Variants in SLCO1B1 observed in about 807,000 individuals in gnomAD.
SLCO1B1 encodes OATP-2.
SLCO1B1 carries 81 observed loss-of-function variants against 70.1 expected under a neutral mutation model. That is an observed-to-expected ratio of 1.16 (90% CI 0.97 to 1.39). The LOEUF is 1.39. SLCO1B1 is among the 40% of genes most tolerant of loss of function. The pLI is 0.00. For synonymous variants in SLCO1B1, 283 were observed against 271.5 expected (o/e 1.04, Z -0.42); for missense variants, 895 against 799.6 (o/e 1.12, Z -1.44).
chr12:21,211,478 G>T (rs1310306931), intron 11 of SLCO1B1, among the ~76,000 whole-genome samples: 3 of 152,222 alleles, frequency 2.0e-5, no homozygotes, highest in East Asian at 1.9e-4. Flanking sequence ...TTTTATTGAG[G>T]ATTTTTGCAT....
intron 14 of SLCO1B1, among the ~76,000 whole-genome samples, chr12:21,225,524 A>G (rs1258797113): frequency 6.6e-6 from 1 of 152,244 alleles, no homozygotes; most frequent in Non-Finnish European, 1.5e-5. Flanking sequence ...TCTTTCAATT[A>G]TCTACGAAGC....
intron 14 of SLCO1B1, among the ~76,000 whole-genome samples, chr12:21,231,488 A>G (rs893229833): frequency 6.6e-6 from 1 of 152,104 alleles, no homozygotes; most frequent in African/African-American, 2.4e-5. Context: ...TCTGTTAGAA[A>G]TGAACTTAGT....
In SLCO1B1 at chr12:21,239,319, A is replaced by G. The variant is rs972423485; in HGVS notation, c.*130A>G. The G allele has an allele frequency of 5.3e-6, 4 of 757,922 alleles. No individual in the cohort carries two copies. Among genetic ancestry groups the G allele is most frequent in the Admixed American group, 1.9e-5 (1 of 53,484 alleles). The allele number at this position is 757,922 out of a possible 1,614,324, so 46.9% of individuals were successfully genotyped here. A position where few individuals can be genotyped will look rare whatever the true frequency, so the allele number is the denominator to read the frequency against. ...CCACATCTTTTATGGTGGAAGTATA[A>G]ATAAGCCTATGAACTTATAATAAAA... On this transcript the variant is annotated 3_prime_UTR_variant, in exon 15 of 15. Transcript: ENST00000256958.
At chr12:21,166,357 T>G (rs1940685915) in intron 2 of SLCO1B1, among the ~76,000 whole-genome samples, 1 of 152,154 alleles carries the variant, frequency 6.6e-6, no homozygotes, top group African/African-American at 2.4e-5. Flanking sequence ...AACTGATTTC[T>G]CATCAGAGAC....
chr12:21,217,314 C>G lies in SLCO1B1; in HGVS notation c.1682+11C>G. ...CATGCTGATTGTTAAGTAAGTATGA[C>G]TTTTAAAAACATTTTCATATGCATG... On this transcript the variant is annotated intron_variant, in intron 12 of 14. Coordinates refer to ENST00000256958, the MANE Select transcript of SLCO1B1 (RefSeq NM_006446.5). 2 of 1,608,902 alleles carry G rather than the reference C, an allele frequency of 1.2e-6. No homozygotes were observed. The highest frequency in any genetic ancestry group is 1.7e-6 in the Non-Finnish European group (2 of 1,175,446).
chr12:21,187,769 C>T (rs753870697), intron 7 of SLCO1B1, among the ~76,000 whole-genome samples: 6 of 151,792 alleles, frequency 4.0e-5, no homozygotes, highest in Non-Finnish European at 7.4e-5. Context: ...AACAACATGG[C>T]CAATCAAGAA....
intron 7 of SLCO1B1, among the ~76,000 whole-genome samples, chr12:21,191,080 G>A (rs1275067189): frequency 6.6e-6 from 1 of 151,914 alleles, no homozygotes; most frequent in African/African-American, 2.4e-5. Context: ...GGAAATATGA[G>A]GCAGCTTTAT....
chr12:21,168,454 T>C (rs1381325029), intron 2 of SLCO1B1, among the ~76,000 whole-genome samples: 1 of 152,186 alleles, frequency 6.6e-6, no homozygotes, highest in Non-Finnish European at 1.5e-5. Context: ...GATTCTATTG[T>C]TTAGTATTTG....
chr12:21,231,312 A>C (rs1210421263), intron 14 of SLCO1B1, among the ~76,000 whole-genome samples: 1 of 152,136 alleles, frequency 6.6e-6, no homozygotes, highest in Non-Finnish European at 1.5e-5. Context: ...TATCAAGTAT[A>C]GTATCTGTTC....
intron 2 of SLCO1B1, among the ~76,000 whole-genome samples, chr12:21,157,735 G>A (rs1940560684): frequency 6.6e-6 from 1 of 151,546 alleles, no homozygotes; most frequent in South Asian, 2.1e-4. Flanking sequence ...CCAAGTAGCT[G>A]GGACTACAGG....
Position 21,191,961 on chromosome 12 carries a change from T to TC in SLCO1B1, c.728-4980dup, listed in dbSNP as rs573205936. 9.9e-5 allele frequency among the ~76,000 whole-genome samples: 15 copies of TC among 152,196 alleles called. No individual in the cohort carries two copies. The East Asian group carries it at 2.5e-3, about 25-fold the overall frequency. On this transcript the variant is annotated intron_variant, in intron 7 of 14. Coordinates refer to ENST00000256958, the MANE Select transcript of SLCO1B1 (RefSeq NM_006446.5). ...TTAAACTTAGCATTTCAGGTATAAA[T>TC]CCCCCTTGAATATAGTGTAGTATCC...
At chr12:21,225,409 A>G (rs1446081228) in intron 14 of SLCO1B1, among the ~76,000 whole-genome samples, 2 of 152,170 alleles carry the variant, frequency 1.3e-5, no homozygotes, top group Non-Finnish European at 2.9e-5. Flanking sequence ...AAAAGCTACA[A>G]TTATACTTTA....
At chr12:21,141,973 T>A (rs1467185701) in intron 2 of SLCO1B1, among the ~76,000 whole-genome samples, 1 of 151,598 alleles carries the variant, frequency 6.6e-6, no homozygotes, top group East Asian at 1.9e-4. Flanking sequence ...AAATGCATAA[T>A]GAATAATATT....
At position 21,189,087 on chromosome 12, in the gene SLCO1B1, T is replaced by A. The variant is rs185412436; in HGVS notation, c.728-7859T>A. On this transcript the variant is annotated intron_variant, in intron 7 of 14. Coordinates refer to ENST00000256958, the MANE Select transcript of SLCO1B1 (RefSeq NM_006446.5). ...GCAATGAACGTGCAAATGCAAATGG[T>A]CTCTTCAAGATAATGATTTCAATTC... 2.5e-3 allele frequency among the ~76,000 whole-genome samples: 380 copies of A among 152,298 alleles called. 2 individuals are homozygous for A. Among genetic ancestry groups the A allele is most frequent in the Non-Finnish European group, 1.3e-3 (88 of 68,014 alleles).
At chr12:21,155,494 C>T (rs949586460) in intron 2 of SLCO1B1, among the ~76,000 whole-genome samples, 2 of 151,980 alleles carry the variant, frequency 1.3e-5, no homozygotes, top group African/African-American at 4.8e-5. Context: ...AACAATTACT[C>T]CTTATGGTGT....
intron 8 of SLCO1B1, among the ~76,000 whole-genome samples, chr12:21,199,263 C>A (rs1277551854): frequency 6.6e-5 from 10 of 152,116 alleles, no homozygotes; most frequent in Admixed American, 5.9e-4. Flanking sequence ...CTCTCAGTAA[C>A]CATATCTTGG....
chr12:21,186,721 A>G (rs1940966450), intron 7 of SLCO1B1, among the ~76,000 whole-genome samples: 1 of 152,126 alleles, frequency 6.6e-6, no homozygotes, highest in African/African-American at 2.4e-5. Flanking sequence ...AGTCTATGCC[A>G]GCAGGCACAA....
At chr12:21,176,747 A>G in intron 4 of SLCO1B1, 29 bp from the exon 5 acceptor site, 1 of 1,487,160 alleles carries the variant, frequency 6.7e-7, no homozygotes. Context: ...TAGATAAGCA[A>G]AATGTTTAAT....
At chr12:21,135,932 A>G (rs1358592386) in intron 1 of SLCO1B1, among the ~76,000 whole-genome samples, 1 of 152,104 alleles carries the variant, frequency 6.6e-6, no homozygotes, top group Non-Finnish European at 1.5e-5. Context: ...CCTAGCCTTG[A>G]TGGTCTTTAC....
Sources: allele counts gnomAD v4.1 joint callset (sites outside exome capture counted in the v4.1 genomes callset), GRCh38; gene constraint gnomAD v4.1.1; transcripts MANE v1.5; gene names NCBI Gene and HGNC (gene_info 2026-07-23, HGNC 2026-07-21).